ADAM22: variants seen among roughly 807,000 people sequenced by gnomAD.
The protein encoded by ADAM22 is ADAM metallopeptidase domain 22, also known as disintegrin and metalloproteinase domain-containing protein 22.
A neutral mutation model predicts 144.6 loss-of-function variants in ADAM22; 65 were observed. The ratio of observed to expected loss-of-function variants is 0.45; its 90% confidence interval spans 0.37 to 0.55. The LOEUF is 0.55. Among genes scored for constraint, ADAM22 ranks in the 20% least tolerant of loss-of-function variants. The probability of loss-of-function intolerance (pLI) is 0.00; values close to 1 mark genes in which losing one functional copy is unlikely to be tolerated. For synonymous variants in ADAM22, 391 were observed against 412.6 expected, an observed-to-expected ratio of 0.95 and a Z score of 0.63; for missense variants, 974 against 1,184.9, an observed-to-expected ratio of 0.82 and a Z score of 2.61.
chr7:87,942,959 A>G (rs932579648), intron 2 of ADAM22, among the ~76,000 whole-genome samples: 1 of 152,124 alleles, frequency 6.6e-6, no homozygotes, highest in African/African-American at 2.4e-5. Context: ...CAAACGTGAT[A>G]TCATTCAGGT....
At chr7:88,152,782 G>A (rs188961831) in intron 20 of ADAM22, among the ~76,000 whole-genome samples, 20 of 152,032 alleles carry the variant, frequency 1.3e-4, no homozygotes, top group Non-Finnish European at 2.2e-4. Flanking sequence ...GGGTTCAAGC[G>A]ATTTCCCTGC....
chr7:88,163,238 A>T, intron 23 of ADAM22, 58 bp downstream of exon 23: 1 of 1,358,656 alleles, frequency 7.4e-7, no homozygotes, highest in Non-Finnish European at 9.8e-7. Flanking sequence ...AATAGACAGG[A>T]CCCTAAACTA....
chr7:88,151,615 G>C (rs909066497), intron 20 of ADAM22, among the ~76,000 whole-genome samples: 3 of 152,186 alleles, frequency 2.0e-5, no homozygotes, highest in Non-Finnish European at 2.9e-5. Context: ...AGCAAACCTG[G>C]ATTTCAGCTC....
At chr7:87,945,627 C>A (rs1843512265) in intron 2 of ADAM22, among the ~76,000 whole-genome samples, 2 of 151,822 alleles carry the variant, frequency 1.3e-5, no homozygotes, top group African/African-American at 4.8e-5. Flanking sequence ...ATTCTCCTGC[C>A]TCAGCCTCCT....
chr7:87,962,059 A>C (rs902584792), intron 2 of ADAM22, among the ~76,000 whole-genome samples: 1 of 152,218 alleles, frequency 6.6e-6, no homozygotes, highest in African/African-American at 2.4e-5. Context: ...ACTCACTAAC[A>C]AATGTCAGAT....
chr7:88,089,284 G>C (rs1819228789), intron 4 of ADAM22, among the ~76,000 whole-genome samples: 1 of 152,032 alleles, frequency 6.6e-6, no homozygotes, highest in African/African-American at 2.4e-5. Context: ...AGAAAAAACA[G>C]ACCTTGGTGT....
At chr7:88,045,819 T>C (rs2129472926) in intron 3 of ADAM22, among the ~76,000 whole-genome samples, 1 of 152,106 alleles carries the variant, frequency 6.6e-6, no homozygotes, top group South Asian at 2.1e-4. Flanking sequence ...ATTTATAATG[T>C]CCTCCAGGTT....
At chr7:88,080,400 G>A (rs1444715877) in intron 4 of ADAM22, among the ~76,000 whole-genome samples, 2 of 152,042 alleles carry the variant, frequency 1.3e-5, no homozygotes, top group African/African-American at 2.4e-5. Flanking sequence ...AGCAGGAAAG[G>A]TGTAAAATTG....
intron 3 of ADAM22, among the ~76,000 whole-genome samples, chr7:88,027,951 C>G (rs905371733): frequency 2.0e-5 from 3 of 152,016 alleles, no homozygotes; most frequent in African/African-American, 7.2e-5. Flanking sequence ...CCACCACATC[C>G]GGCTAATTTT....
intron 15 of ADAM22, 106 bp from the exon 16 acceptor site, chr7:88,145,019 G>T: frequency 1.1e-6 from 1 of 871,754 alleles, no homozygotes; most frequent in South Asian, 1.8e-5. Flanking sequence ...CTATATTTTA[G>T]AATGACTGGC....
At chr7:88,106,096 A>G (rs1370980771) in intron 4 of ADAM22, among the ~76,000 whole-genome samples, 8 of 152,106 alleles carry the variant, frequency 5.3e-5, no homozygotes, top group Non-Finnish European at 2.9e-5. Flanking sequence ...TCTACACTAC[A>G]CTGGTGCTCC....
At chr7:88,077,727 C>A (rs1046433850) in intron 4 of ADAM22, among the ~76,000 whole-genome samples, 1 of 152,234 alleles carries the variant, frequency 6.6e-6, no homozygotes, top group African/African-American at 2.4e-5. Context: ...GTCCTACACC[C>A]ACGGAGTCTC....
At chr7:87,968,817 G>A (rs1849745502) in intron 2 of ADAM22, among the ~76,000 whole-genome samples, 1 of 152,174 alleles carries the variant, frequency 6.6e-6, no homozygotes, top group Non-Finnish European at 1.5e-5. Flanking sequence ...AGAAAAGAGG[G>A]TTAGTTGGCT....
intron 4 of ADAM22, among the ~76,000 whole-genome samples, chr7:88,091,647 A>G (rs191198321): frequency 6.6e-6 from 1 of 152,318 alleles, no homozygotes. Context: ...TGAGGAAATG[A>G]AGGCACAGAA....
At chr7:88,123,394 A>T (rs1343764597) in intron 7 of ADAM22, among the ~76,000 whole-genome samples, 1 of 152,040 alleles carries the variant, frequency 6.6e-6, no homozygotes, top group African/African-American at 2.4e-5. Flanking sequence ...TTTTCTTGGA[A>T]AGTTTAATTA....
intron 3 of ADAM22, among the ~76,000 whole-genome samples, chr7:87,983,060 T>C (rs1377185564): frequency 6.6e-6 from 1 of 152,108 alleles, no homozygotes; most frequent in Non-Finnish European, 1.5e-5. Context: ...ATTTTAGGGC[T>C]TAGTACCATC....
Position 88,142,941 on chromosome 7 carries a change from T to C in ADAM22, c.1221-85T>C, listed in dbSNP as rs942333087. ...TATTCCCTCATTTTAAAGAGTAATA[T>C]ACAATTTTAAGTCTTCAGTTTTCAG... On this transcript the variant is annotated intron_variant, in intron 14 of 31. Coordinates refer to ENST00000413139, the MANE Select transcript of ADAM22 (RefSeq NM_001324418.2). 3 of 785,938 alleles carry C rather than the reference T, an allele frequency of 3.8e-6. No homozygotes were observed. The Admixed American group carries it at 6.2e-5, about 16-fold the overall frequency. 48.7% of individuals were successfully genotyped at this position (785,938 alleles called of 1,614,324 possible).
chr7:87,943,055 C>G (rs1562806474), intron 2 of ADAM22, among the ~76,000 whole-genome samples: 1 of 151,326 alleles, frequency 6.6e-6, no homozygotes, highest in Non-Finnish European at 1.5e-5. Context: ...AATAAAAGCA[C>G]TTGCAAGCAA....
At chr7:88,089,596 T>A (rs764998075) in intron 4 of ADAM22, among the ~76,000 whole-genome samples, 2 of 152,232 alleles carry the variant, frequency 1.3e-5, no homozygotes, top group African/African-American at 2.4e-5. Context: ...TTGAGAAACA[T>A]GCTTTCTGTC....
Sources: allele counts gnomAD v4.1 joint callset (sites outside exome capture counted in the v4.1 genomes callset), GRCh38; gene constraint gnomAD v4.1.1; transcripts MANE v1.5; gene names NCBI Gene and HGNC (gene_info 2026-07-23, HGNC 2026-07-21).